The following CACNA2D3 variants were observed in gnomAD, a reference collection of about 807,000 sequenced individuals.
CACNA2D3 encodes the protein voltage-dependent calcium channel subunit alpha-2/delta-3.
A neutral mutation model predicts 160.6 loss-of-function variants in CACNA2D3; 60 were observed. The ratio of observed to expected loss-of-function variants is 0.37; its 90% confidence interval spans 0.30 to 0.46. CACNA2D3 has a LOEUF of 0.46. Among genes scored for constraint, CACNA2D3 ranks in the 20% least tolerant of loss-of-function variants. The pLI is 1.00. For synonymous variants in CACNA2D3, 558 were observed against 492.9 expected (o/e 1.13, Z -1.75); for missense variants, 1,205 against 1,365.0 (o/e 0.88, Z 1.85).
At position 54,159,368 on chromosome 3, in the gene CACNA2D3, G is replaced by T. The variant is rs964306570; in HGVS notation, c.204+35774G>T. Among the ~76,000 whole-genome samples the T allele has an allele frequency of 2.6e-5, 4 of 151,992 alleles. No homozygotes were observed. The South Asian group carries it at 8.3e-4, about 32-fold the overall frequency. ...TGTACAATTTTAGGTGCTTTGTCATGAACATTATGTTTTACATGGTATTAT... is the reference window on the plus strand; with the variant it reads ...TGTACAATTTTAGGTGCTTTGTCATTAACATTATGTTTTACATGGTATTAT... On this transcript the variant is annotated intron_variant, in intron 2 of 37. Coordinates refer to ENST00000474759, the MANE Select transcript of CACNA2D3 (RefSeq NM_018398.3).
intron 2 of CACNA2D3, among the ~76,000 whole-genome samples, chr3:54,215,137 G>GGA: frequency 6.6e-6 from 1 of 152,228 alleles, no homozygotes; most frequent in Non-Finnish European, 1.5e-5. Flanking sequence ...TTTGGGTTGT[G>GGA]GAGAGAGAGA....
chr3:54,383,421 T>G (rs2106652214), intron 3 of CACNA2D3, among the ~76,000 whole-genome samples: 1 of 152,236 alleles, frequency 6.6e-6, no homozygotes, highest in East Asian at 1.9e-4. Context: ...GCAGGGCGTA[T>G]CCATTCAAAG....
chr3:54,536,526 A>C (rs752838968), intron 5 of CACNA2D3, among the ~76,000 whole-genome samples: 2 of 152,232 alleles, frequency 1.3e-5, no homozygotes, highest in African/African-American at 2.4e-5. Flanking sequence ...CAGCCAGGCC[A>C]ACAGCCCAGT....
chr3:54,339,262 A>G (rs1458824520), intron 3 of CACNA2D3, among the ~76,000 whole-genome samples: 1 of 152,022 alleles, frequency 6.6e-6, no homozygotes, highest in African/African-American at 2.4e-5. Context: ...TCTGAGTGGA[A>G]TCTTCTTCAC....
chr3:54,461,961 A>C (rs1039137533), intron 4 of CACNA2D3, among the ~76,000 whole-genome samples: 1 of 152,060 alleles, frequency 6.6e-6, no homozygotes, highest in African/African-American at 2.4e-5. Flanking sequence ...CGTCCCAGAG[A>C]TTCTGGTATG....
intron 35 of CACNA2D3, among the ~76,000 whole-genome samples, chr3:55,050,342 T>G (rs1415583313): frequency 6.6e-6 from 1 of 152,052 alleles, no homozygotes; most frequent in Non-Finnish European, 1.5e-5. Context: ...GTAAAGTATT[T>G]TATTTCTCCT....
intron 3 of CACNA2D3, among the ~76,000 whole-genome samples, chr3:54,325,881 T>C (rs1301171076): frequency 2.6e-5 from 4 of 152,236 alleles, no homozygotes; most frequent in African/African-American, 9.6e-5. Context: ...TCACTTATTT[T>C]TTGATTTACA....
intron 4 of CACNA2D3, among the ~76,000 whole-genome samples, chr3:54,431,673 C>T (rs1005377019): frequency 1.3e-5 from 2 of 152,120 alleles, no homozygotes; most frequent in Admixed American, 6.6e-5. Context: ...AGTGCAATGG[C>T]GTGATCTTGG....
intron 4 of CACNA2D3, among the ~76,000 whole-genome samples, chr3:54,425,680 A>G (rs974037957): frequency 6.6e-6 from 1 of 152,186 alleles, no homozygotes; most frequent in Non-Finnish European, 1.5e-5. Context: ...CCTCTCTCTC[A>G]TGATCACTTT....
At chr3:54,702,479 A>G (rs1331130037) in intron 11 of CACNA2D3, among the ~76,000 whole-genome samples, 1 of 152,244 alleles carries the variant, frequency 6.6e-6, no homozygotes. Flanking sequence ...TGCATGGCCA[A>G]CAAGCATATG....
chr3:55,032,929 A>C (rs1308991563), intron 35 of CACNA2D3, among the ~76,000 whole-genome samples: 2 of 92,976 alleles, frequency 2.2e-5, no homozygotes, highest in African/African-American at 8.5e-5. Flanking sequence ...AACTTTGTAA[A>C]GTGTGATGGG....
intron 2 of CACNA2D3, among the ~76,000 whole-genome samples, chr3:54,219,050 T>C (rs1701516270): frequency 6.6e-6 from 1 of 152,232 alleles, no homozygotes; most frequent in Non-Finnish European, 1.5e-5. Context: ...TTTGGGGGTA[T>C]ATGGTGCCCT....
At chr3:54,455,777 T>G (rs116958440) in intron 4 of CACNA2D3, among the ~76,000 whole-genome samples, 2,961 of 152,284 alleles carry the variant, frequency 0.019, 73 homozygotes, top group East Asian at 0.11. Context: ...GGGTTTAGTT[T>G]CATTCTTCTA....
chr3:54,822,779 TTTC>T lies in CACNA2D3; in HGVS notation c.1398+5912_1398+5914del, dbSNP rs1432872158. On this transcript the variant is annotated intron_variant, in intron 14 of 37. Transcript: ENST00000474759. ...CTTTCTTTCTTTCTTTCTTTCTTTC[TTTC>T]TTTCTTTCCTTTCTTTCTTTCTTTC... 2.9e-3 allele frequency among the ~76,000 whole-genome samples: 258 copies of T among 87,994 alleles called. 8 individuals carry two copies. The highest frequency in any genetic ancestry group is 5.4e-3 in the Middle Eastern group (1 of 184). The allele number at this position is 87,994 out of a possible 152,430, so 57.7% of individuals were successfully genotyped here. A position where few individuals can be genotyped will look rare whatever the true frequency, so the allele number is the denominator to read the frequency against.
At chr3:54,515,779 T>G (rs1701540321) in intron 5 of CACNA2D3, among the ~76,000 whole-genome samples, 1 of 152,202 alleles carries the variant, frequency 6.6e-6, no homozygotes, top group Non-Finnish European at 1.5e-5. Context: ...ATGAAGAACA[T>G]TCTGCACTTG....
chr3:54,351,544 A>G (rs1698565854), intron 3 of CACNA2D3, among the ~76,000 whole-genome samples: 1 of 152,178 alleles, frequency 6.6e-6, no homozygotes, highest in African/African-American at 2.4e-5. Context: ...GTTGTGTTGT[A>G]ATAACTTTAA....
intron 11 of CACNA2D3, among the ~76,000 whole-genome samples, chr3:54,688,655 G>A (rs923110784): frequency 1.3e-5 from 2 of 151,936 alleles, no homozygotes; most frequent in Non-Finnish European, 2.9e-5. Context: ...AGCACATGAC[G>A]TGGTTCCTGA....
intron 2 of CACNA2D3, among the ~76,000 whole-genome samples, chr3:54,183,967 A>G (rs1700833428): frequency 6.7e-6 from 1 of 149,910 alleles, no homozygotes; most frequent in East Asian, 2.0e-4. Context: ...AATTACCTTG[A>G]CTGTGGAATC....
intron 5 of CACNA2D3, among the ~76,000 whole-genome samples, chr3:54,529,617 C>T (rs905787487): frequency 1.3e-5 from 2 of 152,168 alleles, no homozygotes; most frequent in Non-Finnish European, 2.9e-5. Context: ...GGAGAGGCTT[C>T]TCCCTGGCAG....
Sources: gnomAD v4.1 joint callset for allele counts (sites outside exome capture counted in the v4.1 genomes callset) on GRCh38, gnomAD v4.1.1 for gene constraint, MANE v1.5 for transcripts, NCBI Gene and HGNC (gene_info 2026-07-23, HGNC 2026-07-21) for gene names.